Variants in DIDO1 observed in about 807,000 individuals in gnomAD.
The protein encoded by DIDO1 is death inducer-obliterator 1.
Under a neutral mutation model 99.4 loss-of-function variants are expected in DIDO1, and 16 were observed. The ratio of observed to expected loss-of-function variants is 0.16; its 90% CI spans 0.11 to 0.24. The LOEUF (loss-of-function observed/expected upper bound fraction) is 0.24, where lower values mean the gene tolerates loss of function less well. Among genes scored for constraint, DIDO1 ranks in the 10% least tolerant of loss-of-function variants. The pLI is 1.00. For missense variants in DIDO1, 2,996 were observed against 3,014.0 expected (o/e 0.99, Z 0.14); for synonymous variants, 1,366 against 1,239.1 (o/e 1.10, Z -2.15).
At chr20:62,883,059 G>A (rs1261288493) in intron 15 of DIDO1, among the ~76,000 whole-genome samples, 2 of 151,674 alleles carry the variant, frequency 1.3e-5, no homozygotes, top group Admixed American at 6.6e-5. Flanking sequence ...GAGTAGCTGG[G>A]ATTACAGGCA....
At chr20:62,913,867 G>A (rs1321826454) in intron 2 of DIDO1, among the ~76,000 whole-genome samples, 2 of 152,230 alleles carry the variant, frequency 1.3e-5, no homozygotes, top group Non-Finnish European at 2.9e-5. Context: ...CAGGCTATTT[G>A]CACATGACCT....
Position 62,878,169 on chromosome 20 carries a change from T to C in DIDO1, c.*1064A>G, listed in dbSNP as rs1196294991. The C allele has an allele frequency of 6.6e-6, 1 of 152,224 alleles. No individual in the cohort carries two copies. Among genetic ancestry groups the C allele is most frequent in the Non-Finnish European group, 1.5e-5 (1 of 68,040 alleles). The allele number at this position is 152,224 out of a possible 1,614,324, so 9.4% of individuals were successfully genotyped here. A position where few individuals can be genotyped will look rare whatever the true frequency, so the allele number is the denominator to read the frequency against. ...TTACATCTGTAAAAGTTTATGAAAA[T>C]ATAAAAAATTATCAAAGTGTATTTG... On this transcript the variant is annotated 3_prime_UTR_variant, in exon 16 of 16. Coordinates refer to ENST00000395343, the MANE Select transcript of DIDO1 (RefSeq NM_001193369.2).
At chr20:62,889,440 G>C in intron 15 of DIDO1, 1 of 985,414 alleles carries the variant, frequency 1.0e-6, no homozygotes, top group Non-Finnish European at 1.2e-6. Flanking sequence ...ATGAAATATC[G>C]CCTCAATTGT....
chr20:62,907,793 C>A (rs1262347622), intron 4 of DIDO1, among the ~76,000 whole-genome samples: 2 of 152,204 alleles, frequency 1.3e-5, no homozygotes, highest in Non-Finnish European at 2.9e-5. Flanking sequence ...GGAACTGGGT[C>A]TTTCATGAAG....
chr20:62,894,530 G>A lies in DIDO1; in HGVS notation c.2455C>T (p.Arg819Cys), dbSNP rs141841799. ...GCTGTGCTCTTCTCAGGGACAGCAC[G>A]TGCTGACTCTTGCTGTTCCTAAAAA... ...SDSEEQQESA[R>C]AVPEKSTAPL... The change falls in exon 11 of 16, where the codon CGT (arginine) becomes TGT (cysteine). Residue 819 changes from arginine to cysteine, a missense_variant. Arg to Cys is a radical substitution (Grantham distance 180). This residue lies in a region of DIDO1 where 898 missense variants were observed against 972.7 expected (regional missense o/e 0.92). Transcript: ENST00000395343. The surrounding 1 kb of genome is among the most constrained non-coding windows in gnomAD (Gnocchi z 4.4). 1.2e-5 allele frequency: 19 copies of A among 1,612,130 alleles called. No homozygotes were observed. The highest frequency in any genetic ancestry group is 1.7e-4 in the Middle Eastern group (1 of 5,814).
At position 62,896,403 on chromosome 20, in the gene DIDO1, T is replaced by C; in HGVS notation, c.2055-11A>G. 6.2e-7 allele frequency: 1 copy of C among 1,602,788 alleles called. No homozygotes were observed. Among genetic ancestry groups the C allele is most frequent in the Non-Finnish European group, 8.5e-7 (1 of 1,177,256 alleles). ...TCGCTGTCATTGACTCTGAACAGAA[T>C]AAAAAAAAGGAACTACATAAGACAC... On this transcript the variant is annotated splice_polypyrimidine_tract_variant and intron_variant, in intron 7 of 15. Transcript: ENST00000395343. This position sits in a 1 kb window ranked among gnomAD's most constrained non-coding sequence, Gnocchi z 4.4.
intron 12 of DIDO1, among the ~76,000 whole-genome samples, chr20:62,893,171 G>A (rs753592076): frequency 6.6e-5 from 10 of 152,056 alleles, no homozygotes; most frequent in African/African-American, 9.7e-5. Context: ...GACTACACGC[G>A]TGCATTACCA....
At chr20:62,895,212 G>T in intron 8 of DIDO1, 47 bp from the exon 9 acceptor site, 9 of 1,523,556 alleles carry the variant, frequency 5.9e-6, no homozygotes, top group Non-Finnish European at 8.2e-6. Context: ...TCCTATATCT[G>T]TCAATACAGA....
At chr20:62,936,013 ACAGG>A (rs1458368966) in intron 1 of DIDO1, among the ~76,000 whole-genome samples, 1 of 152,238 alleles carries the variant, frequency 6.6e-6, no homozygotes, top group Non-Finnish European at 1.5e-5. Context: ...CCTGTGACCC[ACAGG>A]CAGGCACTGA....
intron 6 of DIDO1, among the ~76,000 whole-genome samples, chr20:62,897,681 T>G (rs531540949): frequency 1.1e-4 from 16 of 152,350 alleles, no homozygotes; most frequent in Admixed American, 3.9e-4. Context: ...ACAAGGATTA[T>G]AATTAAAAGC....
chr20:62,930,990 G>A (rs1396424683), upstream of DIDO1, among the ~76,000 whole-genome samples: 2 of 152,222 alleles, frequency 1.3e-5, no homozygotes, highest in Admixed American at 6.5e-5. Context: ...TGCCAGGCTG[G>A]AGTGCAGTAG....
At chr20:62,882,591 G>A (rs1447072394) in intron 15 of DIDO1, among the ~76,000 whole-genome samples, 177 bp from the exon 16 acceptor site, 1 of 61,824 alleles carries the variant, frequency 1.6e-5, no homozygotes, top group Non-Finnish European at 3.1e-5. Flanking sequence ...TTCCGCCCCA[G>A]GAACGCACCG....
At position 62,892,762 on chromosome 20, in the gene DIDO1, C is replaced by T. The variant is rs1197735498; in HGVS notation, c.3255+47G>A. On this transcript the variant is annotated intron_variant, in intron 13 of 15. Coordinates refer to ENST00000395343, the MANE Select transcript of DIDO1 (RefSeq NM_001193369.2). ...CATGTGTTTGACTCTAGTTTAGAAA[C>T]TCCTATGAAAGACACACACACGCAC... 2.6e-6 allele frequency: 4 copies of T among 1,567,784 alleles called. No individual in the cohort carries two copies. The East Asian group carries it at 6.8e-5, about 27-fold the overall frequency.
intron 15 of DIDO1, chr20:62,888,887 T>A: frequency 1.0e-6 from 1 of 985,490 alleles, no homozygotes. Flanking sequence ...GTTAACATTA[T>A]ACTGAAGTCT....
chr20:62,899,421 C>T (rs2147434544), intron 6 of DIDO1, among the ~76,000 whole-genome samples: 1 of 152,294 alleles, frequency 6.6e-6, no homozygotes, highest in African/African-American at 2.4e-5. Context: ...ACCATCAACT[C>T]CATTTCTCCA....
Position 62,879,193 on chromosome 20 carries a change from G to C in DIDO1, c.*40C>G. The C allele has an allele frequency of 2.1e-6, 3 of 1,438,528 alleles. No individual in the cohort carries two copies. The highest frequency in any genetic ancestry group is 2.7e-6 in the Non-Finnish European group (3 of 1,100,116). The allele number at this position is 1,438,528 out of a possible 1,614,324, so 89.1% of individuals were successfully genotyped here. A position where few individuals can be genotyped will look rare whatever the true frequency, so the allele number is the denominator to read the frequency against. ...AAGCTATTTGTTCAACGCATCTTAC[G>C]AACGTGGCTTTAAAAAGGGTCTCTG... On this transcript the variant is annotated 3_prime_UTR_variant, in exon 16 of 16. Coordinates refer to ENST00000395343, the MANE Select transcript of DIDO1 (RefSeq NM_001193369.2). The surrounding 1 kb of genome is among the most constrained non-coding windows in gnomAD (Gnocchi z 6.3).
intron 1 of DIDO1, among the ~76,000 whole-genome samples, chr20:62,925,255 G>C (rs376560410): frequency 6.6e-6 from 1 of 152,256 alleles, no homozygotes; most frequent in East Asian, 1.9e-4. Context: ...GGCCACCTTG[G>C]TCACTGCTGT....
intron 15 of DIDO1, chr20:62,889,111 A>G: frequency 3.0e-6 from 3 of 985,498 alleles, no homozygotes; most frequent in Non-Finnish European, 3.6e-6. Flanking sequence ...CGCGGAGCTG[A>G]CAGTGTGGGT....
intron 15 of DIDO1, among the ~76,000 whole-genome samples, chr20:62,885,356 A>G (rs1446041634): frequency 2.0e-5 from 3 of 152,260 alleles, no homozygotes; most frequent in African/African-American, 7.2e-5. Context: ...GGAGACACTC[A>G]GCTTCTAAAG....
Sources: allele counts gnomAD v4.1 joint callset (sites outside exome capture counted in the v4.1 genomes callset), GRCh38; gene constraint gnomAD v4.1.1; regional missense constraint gnomAD v4.1.1; non-coding constraint Gnocchi (gnomAD v3.1); transcripts MANE v1.5; gene names NCBI Gene and HGNC (gene_info 2026-07-23, HGNC 2026-07-21).